Variants in SH3PXD2B observed in about 807,000 individuals in gnomAD.
The protein encoded by SH3PXD2B is SH3 and PX domain-containing protein 2B.
In SH3PXD2B, 37 loss-of-function variants were observed where a neutral mutation model predicts 73.1. The ratio of observed to expected loss-of-function variants is 0.51; its 90% CI spans 0.39 to 0.67. The LOEUF (loss-of-function observed/expected upper bound fraction) is 0.67, where lower values mean the gene tolerates loss of function less well. Ranked by LOEUF, SH3PXD2B falls within the 30% of genes least tolerant of loss-of-function variation. The pLI, the probability that SH3PXD2B is intolerant of heterozygous loss-of-function variation, is 0.00. For synonymous variants in SH3PXD2B, 457 were observed against 480.5 expected (o/e 0.95, Z 0.64); for missense variants, 1,053 against 1,197.8 (o/e 0.88, Z 1.78).
intron 2 of SH3PXD2B, 148 bp from the exon 3 acceptor site, chr5:172,406,500 A>C: frequency 1.2e-6 from 1 of 859,760 alleles, no homozygotes; most frequent in South Asian, 1.6e-5. Flanking sequence ...AACTAATGGG[A>C]AAGGCAATTT....
At position 172,421,019 on chromosome 5, in the gene SH3PXD2B, C is replaced by A. The variant is rs1317189904; in HGVS notation, c.156+1397G>T. ...CGAAAAAACCTCCTGTTTACTTCAG[C>A]CAGCTTCAGTTGGGTTTCTGTCACT... On this transcript the variant is annotated intron_variant, in intron 2 of 12. Coordinates refer to ENST00000311601, the MANE Select transcript of SH3PXD2B (RefSeq NM_001017995.3). The surrounding 1 kb of genome is among the most constrained non-coding windows in gnomAD (Gnocchi z 4.0). Among the ~76,000 whole-genome samples the A allele has an allele frequency of 6.6e-6, 1 of 152,182 alleles. No individual in the cohort carries two copies. The highest frequency in any genetic ancestry group is 2.4e-5 in the African/African-American group (1 of 41,458).
intron 3 of SH3PXD2B, among the ~76,000 whole-genome samples, chr5:172,395,445 C>T (rs936928110): frequency 1.3e-5 from 2 of 152,202 alleles, no homozygotes; most frequent in African/African-American, 4.8e-5. Flanking sequence ...ACCTGCTTCA[C>T]AACATCCGAA....
At chr5:172,356,063 G>A (rs1757265254) in intron 8 of SH3PXD2B, among the ~76,000 whole-genome samples, 2 of 152,092 alleles carry the variant, frequency 1.3e-5, no homozygotes, top group East Asian at 1.9e-4. Flanking sequence ...AGTAGGTGTC[G>A]GACCCTGGCC....
rs1561886537 is a variant in SH3PXD2B, at chr5:172,333,574, A to T, written c.*4795T>A. The stretch of plus-strand genomic sequence containing the variant: ...AAAAAGGAAAGAAGTCAAATGGTAA[A>T]GTATATAGCCTACACATGCTACAGC... On this transcript the variant is annotated 3_prime_UTR_variant, in exon 13 of 13. Coordinates refer to ENST00000311601, the MANE Select transcript of SH3PXD2B (RefSeq NM_001017995.3). 5 of 1,202,622 alleles carry T rather than the reference A, an allele frequency of 4.2e-6. No homozygotes were observed. Among genetic ancestry groups the T allele is most frequent in the Non-Finnish European group, 4.2e-6 (4 of 951,506 alleles). The allele number at this position is 1,202,622 out of a possible 1,614,324, so 74.5% of individuals were successfully genotyped here. A position where few individuals can be genotyped will look rare whatever the true frequency, so the allele number is the denominator to read the frequency against.
intron 1 of SH3PXD2B, among the ~76,000 whole-genome samples, chr5:172,427,672 G>GC (rs1759129027): frequency 4.6e-5 from 7 of 152,034 alleles, no homozygotes; most frequent in Admixed American, 2.6e-4. Flanking sequence ...TTTAATGGGT[G>GC]CAGAGTTTCA....
In SH3PXD2B at chr5:172,335,314, G is replaced by A. The variant is rs1013889660; in HGVS notation, c.*3055C>T. On this transcript the variant is annotated 3_prime_UTR_variant, in exon 13 of 13. Transcript: ENST00000311601. The stretch of plus-strand genomic sequence containing the variant: ...ACCTACTGAAATGTGTGAGCAAGGG[G>A]CGGGGGGAAGAGGCACCGAAATTCA... 1.7e-6 allele frequency: 2 copies of A among 1,174,156 alleles called. No individual in the cohort carries two copies. The highest frequency in any genetic ancestry group is 2.1e-6 in the Non-Finnish European group (2 of 952,106). The allele number at this position is 1,174,156 out of a possible 1,614,324, so 72.7% of individuals were successfully genotyped here.
At chr5:172,349,621 C>T (rs1326999653) in intron 10 of SH3PXD2B, among the ~76,000 whole-genome samples, 3 of 152,192 alleles carry the variant, frequency 2.0e-5, no homozygotes, top group Admixed American at 6.5e-5. Context: ...TTCAAGTCCC[C>T]GCCCCTGCCG....
In SH3PXD2B at chr5:172,347,318, T is replaced by A. The variant is rs1490267498; in HGVS notation, c.1027A>T (p.Arg343Trp). 2 of 1,613,958 alleles carry A rather than the reference T, an allele frequency of 1.2e-6. No homozygotes were observed. Among genetic ancestry groups the A allele is most frequent in the Non-Finnish European group, 1.7e-6 (2 of 1,180,000 alleles). Residue 343 changes from arginine to tryptophan, a missense_variant, in exon 11 of 13, where the codon AGG becomes TGG. Physicochemically the swap from Arg to Trp is moderately radical, Grantham distance 101. Coordinates refer to ENST00000311601, the MANE Select transcript of SH3PXD2B (RefSeq NM_001017995.3). ...GDAKQRSPKMRQRPPPRRDMT... is the reference protein window; with the variant it reads ...GDAKQRSPKMWQRPPPRRDMT... ...TCCCGGCGAGGAGGGGGTCTCTGCC[T>A]CATCTTTGGTGATCCTATGGAGAAA...
intron 4 of SH3PXD2B, among the ~76,000 whole-genome samples, chr5:172,390,076 A>AT (rs1758146326): frequency 1.3e-5 from 2 of 152,232 alleles, no homozygotes; most frequent in South Asian, 4.1e-4. Context: ...TTTACCCATT[A>AT]TAAGTGCACA....
Position 172,335,890 on chromosome 5 carries a change from T to C in SH3PXD2B, c.*2479A>G. On this transcript the variant is annotated 3_prime_UTR_variant, in exon 13 of 13. Coordinates refer to ENST00000311601, the MANE Select transcript of SH3PXD2B (RefSeq NM_001017995.3). Reference sequence around the variant, plus strand: ...AACAGTGAACAGAGAGGACTGTGGCTTCAGTACCCGCGGGTCATGTCAGAA... The same window carrying C: ...AACAGTGAACAGAGAGGACTGTGGCCTCAGTACCCGCGGGTCATGTCAGAA... The C allele has an allele frequency of 1.6e-6, 2 of 1,218,264 alleles. No homozygotes were observed. The highest frequency in any genetic ancestry group is 2.0e-6 in the Non-Finnish European group (2 of 979,956). The allele number at this position is 1,218,264 out of a possible 1,614,324, so 75.5% of individuals were successfully genotyped here.
At position 172,339,867 on chromosome 5, in the gene SH3PXD2B, T is replaced by A; in HGVS notation, c.1238A>T (p.Lys413Met). 1 of 1,614,278 alleles carries A rather than the reference T, an allele frequency of 6.2e-7. No homozygotes were observed. The highest frequency in any genetic ancestry group is 1.1e-5 in the South Asian group (1 of 91,086). Residue 413 changes from lysine (K) to methionine (M), a missense_variant, in exon 13 of 13, where the codon AAG becomes ATG. Physicochemically the swap from Lys to Met is moderately conservative, Grantham distance 95. Coordinates refer to ENST00000311601, the MANE Select transcript of SH3PXD2B (RefSeq NM_001017995.3). This position sits in a 1 kb window ranked among gnomAD's most constrained non-coding sequence, Gnocchi z 6.1. ...GAAGGTGGCCGGGGCCCACCCTTCC[T>A]TATCTTCAATCTGAATGTACCACCA... Reference protein sequence around the residue: ...SGWWYIQIEDKEGWAPATFID... With the variant: ...SGWWYIQIEDMEGWAPATFID...
chr5:172,372,232 T>G (rs1377510088), intron 6 of SH3PXD2B, among the ~76,000 whole-genome samples: 1 of 152,086 alleles, frequency 6.6e-6, no homozygotes, highest in East Asian at 1.9e-4. Flanking sequence ...GATTGGATCA[T>G]GGGGGTGGGT....
intron 5 of SH3PXD2B, among the ~76,000 whole-genome samples, chr5:172,376,736 T>C (rs1052242465): frequency 3.9e-5 from 6 of 152,222 alleles, no homozygotes; most frequent in Non-Finnish European, 8.8e-5. Flanking sequence ...CTAGCTCACC[T>C]TCACTGGCAC....
intron 2 of SH3PXD2B, among the ~76,000 whole-genome samples, chr5:172,409,702 C>G (rs773721035): frequency 6.6e-6 from 1 of 152,022 alleles, no homozygotes; most frequent in Non-Finnish European, 1.5e-5. Context: ...ACCACATTTT[C>G]TTTTTCTTTT....
At chr5:172,359,009 G>GTTGTGTTCT in intron 7 of SH3PXD2B, 132 bp from the exon 8 acceptor site, 1 of 847,324 alleles carries the variant, frequency 1.2e-6, no homozygotes, top group Non-Finnish European at 1.9e-6. Flanking sequence ...TTTATTGGTA[G>GTTGTGTTCT]AACACAACTA....
In SH3PXD2B at chr5:172,374,178, T is replaced by TCTTGGGGTCCCCTAAGCCATAGA. The variant is rs1421290534; in HGVS notation, c.402-386_402-364dup. The stretch of plus-strand genomic sequence containing the variant: ...GCACAGCAGAGGTCCCTGCCCCATT[T>TCTTGGGGTCCCCTAAGCCATAGA]CTTGGGGTCCCCTAAGCCATAGACA... On this transcript the variant is annotated intron_variant, in intron 5 of 12. Transcript: ENST00000311601. 3.3e-5 allele frequency among the ~76,000 whole-genome samples: 5 copies of TCTTGGGGTCCCCTAAGCCATAGA among 152,256 alleles called. No homozygotes were observed. In the East Asian group the frequency reaches 7.7e-4, roughly 24 times the overall value.
At chr5:172,366,678 G>C (rs572390277) in intron 6 of SH3PXD2B, among the ~76,000 whole-genome samples, 1 of 151,852 alleles carries the variant, frequency 6.6e-6, no homozygotes, top group Non-Finnish European at 1.5e-5. Flanking sequence ...CTGTTGCCAG[G>C]CTGAAGTGCA....
At chr5:172,348,653 T>A (rs1561896535) in intron 10 of SH3PXD2B, among the ~76,000 whole-genome samples, 1 of 122,144 alleles carries the variant, frequency 8.2e-6, no homozygotes, top group African/African-American at 2.8e-5. Flanking sequence ...TATCTATCTA[T>A]CCTATCTATC....
rs755014610 is a variant in SH3PXD2B at position 172,333,805 on chromosome 5, G to C, written c.*4564C>G. ...GTAAGAAATGGCCTGTTACTTGGAAGCTCCCCAAAGCAGGAAATGTGGGTT... is the reference window on the plus strand; with the variant it reads ...GTAAGAAATGGCCTGTTACTTGGAACCTCCCCAAAGCAGGAAATGTGGGTT... On this transcript the variant is annotated 3_prime_UTR_variant, in exon 13 of 13. Coordinates refer to ENST00000311601, the MANE Select transcript of SH3PXD2B (RefSeq NM_001017995.3). 3.1e-6 allele frequency: 4 copies of C among 1,288,538 alleles called. No individual in the cohort carries two copies. The highest frequency in any genetic ancestry group is 4.0e-6 in the Non-Finnish European group (4 of 988,596). The allele number at this position is 1,288,538 out of a possible 1,614,324, so 79.8% of individuals were successfully genotyped here.
Sources: gnomAD v4.1 joint callset for allele counts (sites outside exome capture counted in the v4.1 genomes callset) on GRCh38, gnomAD v4.1.1 for gene constraint, Gnocchi (gnomAD v3.1) non-coding constraint, MANE v1.5 for transcripts, NCBI Gene and HGNC (gene_info 2026-07-23, HGNC 2026-07-21) for gene names.